The following TUSC3 variants were observed in gnomAD, a reference collection of about 807,000 sequenced individuals.
The protein encoded by TUSC3 is dolichyl-diphosphooligosaccharide--protein glycosyltransferase subunit TUSC3.
In TUSC3, 45 loss-of-function variants were observed where a neutral mutation model predicts 44.8. The ratio of observed to expected loss-of-function variants is 1.00; its 90% CI spans 0.79 to 1.29. The LOEUF is 1.29. Among genes scored for constraint, TUSC3 ranks in the 50% most tolerant of loss-of-function variants. The probability of loss-of-function intolerance (pLI) is 0.00; values close to 1 mark genes in which losing one functional copy is unlikely to be tolerated. For missense variants in TUSC3, 519 were observed against 437.9 expected (o/e 1.19, Z -1.65); for synonymous variants, 212 against 152.9 (o/e 1.39, Z -2.85).
At chr8:15,742,352 G>C (rs182513080) in intron 7 of TUSC3, among the ~76,000 whole-genome samples, 2 of 143,758 alleles carry the variant, frequency 1.4e-5, no homozygotes, top group Admixed American at 1.4e-4. Context: ...CGTTTGTATA[G>C]AGAGGTCATG....
intron 1 of TUSC3, among the ~76,000 whole-genome samples, chr8:15,565,989 T>C (rs1030940549): frequency 7.2e-5 from 11 of 152,268 alleles, no homozygotes; most frequent in Middle Eastern, 3.4e-3. Flanking sequence ...AAAAACTAAA[T>C]ACCAAAACAA....
intron 1 of TUSC3, among the ~76,000 whole-genome samples, chr8:15,475,925 G>C (rs1207242877): frequency 6.6e-6 from 1 of 152,120 alleles, no homozygotes; most frequent in Non-Finnish European, 1.5e-5. Flanking sequence ...GAATAACTCA[G>C]TATGATGTAC....
chr8:15,802,516 G>C, the TUSC3 span, among the ~76,000 whole-genome samples: 1 of 152,064 alleles, frequency 6.6e-6, no homozygotes, highest in Non-Finnish European at 1.5e-5. Context: ...CTGCCTCCCG[G>C]GTTCAAGTGA....
chr8:15,737,259 T>C (rs1810975817), intron 7 of TUSC3, among the ~76,000 whole-genome samples: 2 of 152,152 alleles, frequency 1.3e-5, no homozygotes, highest in Admixed American at 6.5e-5. Context: ...TGCTAACATT[T>C]TTTTCAACGT....
At chr8:15,789,474 T>C in the TUSC3 span, among the ~76,000 whole-genome samples, 2 of 152,276 alleles carry the variant, frequency 1.3e-5, no homozygotes, top group Non-Finnish European at 1.5e-5. Flanking sequence ...GCTCACAAGA[T>C]TGACAGAGGA....
chr8:15,541,606 T>C (rs1308333957), intron 1 of TUSC3, among the ~76,000 whole-genome samples: 1 of 152,190 alleles, frequency 6.6e-6, no homozygotes, highest in Middle Eastern at 3.2e-3. Flanking sequence ...ATATTGTGTG[T>C]TCAATTTTAA....
intron 2 of TUSC3, among the ~76,000 whole-genome samples, chr8:15,498,815 G>T (rs1052895831): frequency 4.6e-5 from 7 of 152,052 alleles, no homozygotes; most frequent in Non-Finnish European, 8.8e-5. Context: ...ACCACCAGAG[G>T]CAGAGAGATA....
the TUSC3 span, among the ~76,000 whole-genome samples, chr8:15,849,943 T>C: frequency 6.6e-6 from 1 of 152,146 alleles, no homozygotes; most frequent in Non-Finnish European, 1.5e-5. Context: ...TAAAGAAACC[T>C]GAGTGCTTAG....
chr8:15,720,199 T>C (rs571372276), intron 6 of TUSC3, among the ~76,000 whole-genome samples: 4,923 of 100,708 alleles, frequency 0.049, 92 homozygotes, highest in African/African-American at 0.082. Flanking sequence ...TGTATATATA[T>C]ATACACACAC....
chr8:15,698,459 A>T (rs911192333), intron 6 of TUSC3, among the ~76,000 whole-genome samples: 1 of 152,184 alleles, frequency 6.6e-6, no homozygotes, highest in African/African-American at 2.4e-5. Flanking sequence ...TTAAGTTATA[A>T]TTTTAGGTTC....
chr8:15,566,581 T>C (rs1264505638), intron 1 of TUSC3, among the ~76,000 whole-genome samples: 2 of 151,560 alleles, frequency 1.3e-5, no homozygotes, highest in African/African-American at 4.8e-5. Flanking sequence ...TACTTGTTTA[T>C]CCGACTTCAC....
Position 15,517,522 on chromosome 8 carries a change from C to CAA in TUSC3, n.189+34072_189+34073dup, listed in dbSNP as rs71211049. Among the ~76,000 whole-genome samples, 69 of 77,564 alleles carry CAA rather than the reference C, an allele frequency of 8.9e-4. 8 individuals are homozygous for CAA. Among genetic ancestry groups the CAA allele is most frequent in the African/African-American group, 4.2e-3 (51 of 12,140 alleles). 50.9% of individuals were successfully genotyped at this position (77,564 alleles called of 152,430 possible). ...GAGCTTCCTAACATTTAGCGTGAGG[C>CAA]AAAAAAAAAAAAAAAAAAAAAAAAA... On this transcript the variant is annotated intron_variant and non_coding_transcript_variant, in intron 2 of 5. Transcript: ENST00000503191.
At chr8:15,472,492 G>T (rs1173498940) in intron 1 of TUSC3, among the ~76,000 whole-genome samples, 1 of 152,046 alleles carries the variant, frequency 6.6e-6, no homozygotes, top group Non-Finnish European at 1.5e-5. Flanking sequence ...TCCATTAGAG[G>T]GAAAATTATG....
At chr8:15,565,316 A>G (rs1305611012) in intron 1 of TUSC3, among the ~76,000 whole-genome samples, 3 of 152,102 alleles carry the variant, frequency 2.0e-5, no homozygotes, top group East Asian at 1.9e-4. Context: ...GACCCTTACT[A>G]TTTTGGATCT....
the TUSC3 span, among the ~76,000 whole-genome samples, chr8:15,841,102 C>T: frequency 1.3e-5 from 2 of 152,094 alleles, no homozygotes; most frequent in Non-Finnish European, 2.9e-5. Flanking sequence ...TTAATTATCA[C>T]AGCCACGTAG....
At chr8:15,798,034 T>C in the TUSC3 span, among the ~76,000 whole-genome samples, 1 of 152,218 alleles carries the variant, frequency 6.6e-6, no homozygotes, top group Non-Finnish European at 1.5e-5. Context: ...CTATGTCCGA[T>C]AGAACACCTA....
intron 9 of TUSC3, among the ~76,000 whole-genome samples, chr8:15,751,798 T>G (rs1049849893): frequency 6.6e-6 from 1 of 152,202 alleles, no homozygotes; most frequent in African/African-American, 2.4e-5. Context: ...GAGATCGTTC[T>G]CAAAACTCTG....
intron 1 of TUSC3, among the ~76,000 whole-genome samples, chr8:15,462,451 C>T (rs1479429748): frequency 1.3e-5 from 2 of 152,008 alleles, no homozygotes; most frequent in Non-Finnish European, 2.9e-5. Context: ...AGGAATTGCC[C>T]ATGGTGGCAG....
At chr8:15,645,111 C>A (rs963013717) in intron 2 of TUSC3, among the ~76,000 whole-genome samples, 6 of 152,094 alleles carry the variant, frequency 3.9e-5, no homozygotes, top group Non-Finnish European at 8.8e-5. Flanking sequence ...GGTTCCAAAC[C>A]TTCATTTTCT....
Sources: allele counts gnomAD v4.1 joint callset (sites outside exome capture counted in the v4.1 genomes callset), GRCh38; gene constraint gnomAD v4.1.1; transcripts MANE v1.5; gene names NCBI Gene and HGNC (gene_info 2026-07-23, HGNC 2026-07-21).